The following TBC1D19 variants were observed in gnomAD, a reference collection of about 807,000 sequenced individuals.
The protein encoded by TBC1D19 is TBC1 domain family member 19, also known as TBC1 domain family, member 19.
Under a neutral mutation model 89.0 loss-of-function variants are expected in TBC1D19, and 60 were observed. That is an observed-to-expected ratio of 0.67 (90% confidence interval 0.55 to 0.84). The LOEUF is 0.84. TBC1D19 is among the 40% of genes least tolerant of loss of function. The probability of loss-of-function intolerance (pLI) is 0.00; values close to 1 mark genes in which losing one functional copy is unlikely to be tolerated. For synonymous variants in TBC1D19, 189 were observed against 199.7 expected (o/e 0.95, Z 0.45); for missense variants, 500 against 610.8 (o/e 0.82, Z 1.91).
At chr4:26,631,744 C>T (rs1219304874) in intron 4 of TBC1D19, among the ~76,000 whole-genome samples, 1 of 152,010 alleles carries the variant, frequency 6.6e-6, no homozygotes, top group Non-Finnish European at 1.5e-5. Flanking sequence ...TTTTAAGTTT[C>T]CTCATTTGTA....
At chr4:26,814,701 A>G in the TBC1D19 span, among the ~76,000 whole-genome samples, 1 of 152,162 alleles carries the variant, frequency 6.6e-6, no homozygotes, top group Admixed American at 6.5e-5. Context: ...CATTTTGTCC[A>G]GTGTTTTTAT....
At chr4:26,646,739 A>AT (rs1224572804) in intron 7 of TBC1D19, among the ~76,000 whole-genome samples, 1 of 152,284 alleles carries the variant, frequency 6.6e-6, no homozygotes, top group African/African-American at 2.4e-5. Flanking sequence ...ATAGGTGGGA[A>AT]TTGAATAATG....
At chr4:26,725,158 C>A (rs7658999) in intron 15 of TBC1D19, among the ~76,000 whole-genome samples, 1 of 152,002 alleles carries the variant, frequency 6.6e-6, no homozygotes, top group African/African-American at 2.4e-5. Flanking sequence ...TGGCTGCTGC[C>A]AAGTTGGGGA....
At chr4:26,673,707 A>G in intron 10 of TBC1D19, 69 bp from the exon 11 acceptor site, 1 of 968,164 alleles carries the variant, frequency 1.0e-6, no homozygotes. Context: ...AAAGATTTAT[A>G]ATTGAAGATT....
chr4:26,728,170 A>T (rs1717425817), intron 15 of TBC1D19, among the ~76,000 whole-genome samples: 1 of 152,214 alleles, frequency 6.6e-6, no homozygotes, highest in Admixed American at 6.5e-5. Flanking sequence ...AATATTAATA[A>T]TGTCTTCATT....
At chr4:26,754,479 C>T (rs750761823) in intron 20 of TBC1D19, among the ~76,000 whole-genome samples, 3 of 152,262 alleles carry the variant, frequency 2.0e-5, no homozygotes, top group South Asian at 2.1e-4. Context: ...GATGTTTATG[C>T]ATCTTGTAAC....
the TBC1D19 span, among the ~76,000 whole-genome samples, chr4:26,837,185 T>C: frequency 6.6e-6 from 1 of 152,020 alleles, no homozygotes; most frequent in Non-Finnish European, 1.5e-5. Context: ...GCATAAAAGG[T>C]CTATATAATG....
At chr4:26,633,702 C>T (rs1463511398) in intron 4 of TBC1D19, among the ~76,000 whole-genome samples, 2 of 152,070 alleles carry the variant, frequency 1.3e-5, no homozygotes, top group Non-Finnish European at 2.9e-5. Context: ...TAATGAAAGT[C>T]CTATGTGGCA....
chr4:26,584,174 G>T lies in TBC1D19; in HGVS notation c.-20G>T. On this transcript the variant is annotated 5_prime_UTR_variant, in exon 1 of 21. Coordinates refer to ENST00000264866, the MANE Select transcript of TBC1D19 (RefSeq NM_018317.4). ...CGCCGGCGGCCTGTCCCCGCGGCTT[G>T]GCGGGCTAGGGCAGGGGAAATGTTG... The T allele has an allele frequency of 6.2e-7, 1 of 1,602,260 alleles. No individual in the cohort carries two copies. Among genetic ancestry groups the T allele is most frequent in the Non-Finnish European group, 8.5e-7 (1 of 1,175,540 alleles).
intron 4 of TBC1D19, among the ~76,000 whole-genome samples, chr4:26,624,370 T>C (rs1264070650): frequency 7.9e-6 from 1 of 126,794 alleles, no homozygotes; most frequent in East Asian, 2.2e-4. Context: ...TTATAGTAAT[T>C]GCTTTTTTTT....
the TBC1D19 span, among the ~76,000 whole-genome samples, chr4:26,772,752 T>C: frequency 6.6e-6 from 1 of 152,180 alleles, no homozygotes; most frequent in Non-Finnish European, 1.5e-5. Context: ...TTGCTGAGAA[T>C]AATGGCTTCC....
chr4:26,805,869 C>A, the TBC1D19 span, among the ~76,000 whole-genome samples: 2 of 152,050 alleles, frequency 1.3e-5, no homozygotes, highest in African/African-American at 2.4e-5. Flanking sequence ...GGAGTGCTGG[C>A]GTGCAGGAAA....
intron 20 of TBC1D19, 86 bp downstream of exon 20, chr4:26,753,976 C>T (rs187778047): frequency 4.1e-5 from 59 of 1,432,636 alleles, no homozygotes; most frequent in African/African-American, 2.1e-4. Flanking sequence ...GCATAGGACA[C>T]GCGTTACTTG....
At chr4:26,853,209 C>T in the TBC1D19 span, among the ~76,000 whole-genome samples, 7 of 152,320 alleles carry the variant, frequency 4.6e-5, no homozygotes, top group African/African-American at 1.7e-4. Flanking sequence ...CTAGATCGAT[C>T]TCACTGGTAT....
chr4:26,734,210 A>G (rs1290431371), intron 15 of TBC1D19, among the ~76,000 whole-genome samples: 1 of 152,204 alleles, frequency 6.6e-6, no homozygotes, highest in Non-Finnish European at 1.5e-5. Flanking sequence ...CAAAATTGTA[A>G]TGAGTTGCAT....
At chr4:26,827,743 C>T in the TBC1D19 span, among the ~76,000 whole-genome samples, 2 of 142,098 alleles carry the variant, frequency 1.4e-5, no homozygotes, top group African/African-American at 2.7e-5. Context: ...TAGGGTCTTG[C>T]GATGACACTC....
chr4:26,840,537 G>A, the TBC1D19 span, among the ~76,000 whole-genome samples: 2 of 152,084 alleles, frequency 1.3e-5, no homozygotes, highest in Non-Finnish European at 2.9e-5. Context: ...ATTTGTTTCT[G>A]CCCATTTTTC....
chr4:26,704,452 C>G (rs770801069), intron 13 of TBC1D19, among the ~76,000 whole-genome samples: 2 of 152,072 alleles, frequency 1.3e-5, no homozygotes, highest in African/African-American at 2.4e-5. Context: ...CTGGCATATA[C>G]TTAGTAGTAG....
the TBC1D19 span, among the ~76,000 whole-genome samples, chr4:26,836,708 A>C: frequency 1.3e-5 from 2 of 152,212 alleles, no homozygotes; most frequent in Non-Finnish European, 1.5e-5. Flanking sequence ...AGGGAGGAGG[A>C]GAATTCCAGA....
Sources: gnomAD v4.1 joint callset for allele counts (sites outside exome capture counted in the v4.1 genomes callset) on GRCh38, gnomAD v4.1.1 for gene constraint, MANE v1.5 for transcripts, NCBI Gene and HGNC (gene_info 2026-07-23, HGNC 2026-07-21) for gene names.